NPAS3: variants seen among roughly 807,000 people sequenced by gnomAD.
NPAS3 encodes neuronal PAS domain-containing protein 3.
Under a neutral mutation model 73.1 loss-of-function variants are expected in NPAS3, and 14 were observed. The ratio of observed to expected loss-of-function variants is 0.19; its 90% CI spans 0.13 to 0.30. The LOEUF is 0.30. Among genes scored for constraint, NPAS3 ranks in the 10% least tolerant of loss-of-function variants. The pLI, the probability that NPAS3 is intolerant of heterozygous loss-of-function variation, is 1.00. For synonymous variants in NPAS3, 620 were observed against 541.5 expected, an observed-to-expected ratio of 1.14 and a Z score of -2.01; for missense variants, 1,096 against 1,250.0, an observed-to-expected ratio of 0.88 and a Z score of 1.86.
intron 2 of NPAS3, among the ~76,000 whole-genome samples, chr14:33,164,613 G>T (rs1289365605): frequency 6.6e-6 from 1 of 151,510 alleles, no homozygotes. Flanking sequence ...AGTGTTTATT[G>T]AATAGTTGCC....
At chr14:33,555,964 C>T (rs1289312667) in intron 4 of NPAS3, among the ~76,000 whole-genome samples, 1 of 151,826 alleles carries the variant, frequency 6.6e-6, no homozygotes, top group Non-Finnish European at 1.5e-5. Context: ...TTGTTTTCCC[C>T]CCTACCAAAT....
intron 4 of NPAS3, among the ~76,000 whole-genome samples, chr14:33,387,778 T>C (rs1034403895): frequency 1.3e-5 from 2 of 152,208 alleles, no homozygotes; most frequent in Non-Finnish European, 2.9e-5. Context: ...TGAATACTAA[T>C]TCATCAAATA....
At chr14:33,650,741 C>CT (rs2058967771) in intron 5 of NPAS3, among the ~76,000 whole-genome samples, 2 of 148,328 alleles carry the variant, frequency 1.3e-5, no homozygotes, top group Admixed American at 1.3e-4. Flanking sequence ...AAAATCTTTT[C>CT]CTCTCTCTCT....
At chr14:33,318,502 T>G (rs1051700879) in intron 3 of NPAS3, among the ~76,000 whole-genome samples, 1 of 152,166 alleles carries the variant, frequency 6.6e-6, no homozygotes, top group Non-Finnish European at 1.5e-5. Context: ...ATACCTATTT[T>G]ACCACAATTT....
intron 5 of NPAS3, among the ~76,000 whole-genome samples, chr14:33,641,377 C>T (rs79191579): frequency 0.014 from 2,113 of 152,246 alleles, 44 homozygotes; most frequent in African/African-American, 0.049. Context: ...TTTAATCAAG[C>T]TGCAAATGTT....
intron 2 of NPAS3, among the ~76,000 whole-genome samples, chr14:33,156,686 G>T (rs536044998): frequency 1.8e-4 from 28 of 152,194 alleles, no homozygotes; most frequent in African/African-American, 5.5e-4. Flanking sequence ...AGAAAGAAAT[G>T]GATTATATTT....
chr14:33,296,106 C>A (rs1401999074), intron 3 of NPAS3, among the ~76,000 whole-genome samples: 1 of 152,128 alleles, frequency 6.6e-6, no homozygotes, highest in South Asian at 2.1e-4. Context: ...AAAATGCAAG[C>A]GGTGACTTAG....
At chr14:33,474,065 G>C (rs1023893299) in intron 4 of NPAS3, among the ~76,000 whole-genome samples, 6 of 152,114 alleles carry the variant, frequency 3.9e-5, no homozygotes, top group African/African-American at 1.2e-4. Flanking sequence ...CTAGATCACT[G>C]AGATCCTGCA....
At chr14:33,568,496 C>T (rs537566139) in intron 5 of NPAS3, among the ~76,000 whole-genome samples, 13 of 152,214 alleles carry the variant, frequency 8.5e-5, no homozygotes, top group Non-Finnish European at 1.8e-4. Context: ...CAAAATAATA[C>T]CTCTACACTA....
chr14:33,024,437 T>G (rs2039728296), intron 1 of NPAS3, among the ~76,000 whole-genome samples: 1 of 152,114 alleles, frequency 6.6e-6, no homozygotes, highest in Non-Finnish European at 1.5e-5. Flanking sequence ...CCCAAAGTGC[T>G]GGGATTACAG....
rs540295776 is a variant in NPAS3, at chr14:33,156,670, T to C, written c.141-58512T>C. On this transcript the variant is annotated intron_variant, in intron 2 of 11. Transcript: ENST00000356141. The stretch of plus-strand genomic sequence containing the variant: ...AGATTTCAATTAAATTCCTTCCATG[T>C]TTTCTAGAAAGAAATGGATTATATT... 6.3e-4 allele frequency among the ~76,000 whole-genome samples: 96 copies of C among 152,342 alleles called. 2 individuals carry two copies. The South Asian group carries it at 0.018, about 29-fold the overall frequency.
At chr14:33,195,416 G>A (rs559540826) in intron 2 of NPAS3, among the ~76,000 whole-genome samples, 114 of 152,098 alleles carry the variant, frequency 7.5e-4, no homozygotes, top group African/African-American at 2.6e-3. Flanking sequence ...GATTACAGGC[G>A]TGCACCACCA....
At chr14:33,007,519 T>C (rs1318013609) in intron 1 of NPAS3, among the ~76,000 whole-genome samples, 1 of 152,188 alleles carries the variant, frequency 6.6e-6, no homozygotes, top group African/African-American at 2.4e-5. Context: ...CCAAAGCAGA[T>C]TTGGCTTTAT....
intron 2 of NPAS3, among the ~76,000 whole-genome samples, chr14:33,165,624 AAGGC>A (rs1365597936): frequency 6.6e-6 from 1 of 152,152 alleles, no homozygotes; most frequent in Non-Finnish European, 1.5e-5. Flanking sequence ...AAGAAGGAAA[AAGGC>A]AGGAGATTTG....
intron 6 of NPAS3, among the ~76,000 whole-genome samples, chr14:33,705,619 G>T (rs573920272): frequency 9.5e-4 from 144 of 152,324 alleles, no homozygotes; most frequent in African/African-American, 3.2e-3. Flanking sequence ...TAGAAAAAAA[G>T]AATTGGAAGT....
chr14:33,311,465 G>C (rs2043000060), intron 3 of NPAS3, among the ~76,000 whole-genome samples: 1 of 152,106 alleles, frequency 6.6e-6, no homozygotes, highest in Admixed American at 6.6e-5. Context: ...CTTCTGGTCA[G>C]AATCATTGAT....
intron 4 of NPAS3, among the ~76,000 whole-genome samples, chr14:33,544,963 C>T (rs923120458): frequency 6.7e-5 from 10 of 149,376 alleles, no homozygotes; most frequent in African/African-American, 2.5e-5. Context: ...AATCATTTTT[C>T]TCCTATGTCT....
At chr14:33,797,720 C>A (rs2063553934) in intron 11 of NPAS3, 139 bp downstream of exon 11, 2 of 803,332 alleles carry the variant, frequency 2.5e-6, no homozygotes, top group Admixed American at 4.5e-5. Flanking sequence ...CAAGTTATTA[C>A]TGAGTGTCTG....
At chr14:32,936,914 G>A (rs1209049951), upstream of NPAS3, among the ~76,000 whole-genome samples, 1 of 144,226 alleles carries the variant, frequency 6.9e-6, no homozygotes, top group Non-Finnish European at 1.5e-5. Context: ...TCCCACTGCA[G>A]TTCTAAAGAC....
Sources: allele counts gnomAD v4.1 joint callset (sites outside exome capture counted in the v4.1 genomes callset), GRCh38; gene constraint gnomAD v4.1.1; transcripts MANE v1.5; gene names NCBI Gene and HGNC (gene_info 2026-07-23, HGNC 2026-07-21).